Variants in HSD17B13 observed in about 807,000 individuals in gnomAD.
HSD17B13 encodes the protein 17-beta-hydroxysteroid dehydrogenase 13.
HSD17B13 carries 26 observed loss-of-function variants against 31.1 expected under a neutral mutation model. The observed-to-expected ratio is 0.84, with a 90% CI of 0.61 to 1.16. The LOEUF (loss-of-function observed/expected upper bound fraction) is 1.16, where lower values mean the gene tolerates loss of function less well. Among genes scored for constraint, HSD17B13 ranks in the 50% most tolerant of loss-of-function variants. HSD17B13 has a pLI of 0.00. For missense variants in HSD17B13, 374 were observed against 366.5 expected, an observed-to-expected ratio of 1.02 and a Z score of -0.17; for synonymous variants, 141 against 133.7, an observed-to-expected ratio of 1.05 and a Z score of -0.38.
intron 5 of HSD17B13, among the ~76,000 whole-genome samples, chr4:87,312,518 C>CT (rs747820120): frequency 0.013 from 945 of 71,642 alleles, 91 homozygotes; most frequent in African/African-American, 0.035. Context: ...ACCTTTAATT[C>CT]TTTTTTTTTT....
chr4:87,313,716 T>G, intron 5 of HSD17B13, 107 bp downstream of exon 5: 1 of 881,116 alleles, frequency 1.1e-6, no homozygotes, highest in Non-Finnish European at 1.7e-6. Context: ...AAAATTATTT[T>G]TCCTTCTTCA....
At chr4:87,316,212 C>CTAGA (rs1419470122) in intron 3 of HSD17B13, among the ~76,000 whole-genome samples, 1 of 152,142 alleles carries the variant, frequency 6.6e-6, no homozygotes, top group Non-Finnish European at 1.5e-5. Flanking sequence ...ATTCATAGAA[C>CTAGA]TAGAACTCCC....
At chr4:87,316,430 T>A (rs1734650762) in intron 3 of HSD17B13, among the ~76,000 whole-genome samples, 3 of 152,164 alleles carry the variant, frequency 2.0e-5, no homozygotes, top group Admixed American at 6.5e-5. Context: ...ATCTCTTTTT[T>A]TTCTTCTTTC....
At chr4:87,313,731 C>A in intron 5 of HSD17B13, 92 bp downstream of exon 5, 1 of 993,354 alleles carries the variant, frequency 1.0e-6, no homozygotes, top group Non-Finnish European at 1.5e-6. Context: ...TCTTCATTTT[C>A]TTCTATTAGT....
At chr4:87,320,778 A>G (rs35075057) in intron 1 of HSD17B13, among the ~76,000 whole-genome samples, 3,862 of 152,110 alleles carry the variant, frequency 0.025, 89 homozygotes, top group Non-Finnish European at 0.04. Context: ...TTAAACTCCA[A>G]TGTGTTTTTT....
rs929844582 is a variant in HSD17B13, at chr4:87,314,008, A to G, written c.558-48T>C. ...TGTTAGCTAAGGGAGAGTGAAACCA[A>G]TCCTCAGCTTTCTGTGAGAAGGCGG... On this transcript the variant is annotated intron_variant, in intron 4 of 6. Coordinates refer to ENST00000328546, the MANE Select transcript of HSD17B13 (RefSeq NM_178135.5). 7.8e-6 allele frequency: 11 copies of G among 1,403,440 alleles called. No homozygotes were observed. The African/African-American group carries it at 1.5e-4, about 19-fold the overall frequency. The allele number at this position is 1,403,440 out of a possible 1,614,324, so 86.9% of individuals were successfully genotyped here. A position where few individuals can be genotyped will look rare whatever the true frequency, so the allele number is the denominator to read the frequency against.
In HSD17B13 at chr4:87,310,362, G is replaced by A. The variant is rs117111943; in HGVS notation, c.696-3C>T. ...CTGTCTCCAATACAGGCCATAATCT[G>A]TGATTAAAAAGAGGAAAATATTATT... On this transcript the variant is annotated splice_region_variant and splice_polypyrimidine_tract_variant and intron_variant, in intron 5 of 6. Transcript: ENST00000328546. 1.4e-6 allele frequency: 2 copies of A among 1,444,148 alleles called. No homozygotes were observed. The highest frequency in any genetic ancestry group is 1.5e-5 in the African/African-American group (1 of 67,648). 89.5% of individuals were successfully genotyped at this position (1,444,148 alleles called of 1,614,324 possible).
intron 1 of HSD17B13, among the ~76,000 whole-genome samples, chr4:87,320,682 C>T (rs1199452754): frequency 6.6e-6 from 1 of 151,910 alleles, no homozygotes; most frequent in African/African-American, 2.4e-5. Context: ...CCACCGCGTC[C>T]GGCCTATTCT....
In HSD17B13 at chr4:87,305,321, G is replaced by A; in HGVS notation, c.813-13C>T. On this transcript the variant is annotated splice_polypyrimidine_tract_variant and intron_variant, in intron 6 of 6. Coordinates refer to ENST00000328546, the MANE Select transcript of HSD17B13 (RefSeq NM_178135.5). ...TTCAGGAAGAAACCTGTACAAAAAA[G>A]AAAAAAAAATTGAAAAATTTTCCAT... The A allele has an allele frequency of 1.9e-6, 3 of 1,538,908 alleles. No homozygotes were observed. The highest frequency in any genetic ancestry group is 2.0e-5 in the Admixed American group (1 of 48,998).
In HSD17B13 at chr4:87,317,151, T is replaced by C; in HGVS notation, c.391A>G (p.Ser131Gly). The C allele has an allele frequency of 6.2e-7, 1 of 1,613,948 alleles. No homozygotes were observed. Reference sequence around the variant, plus strand: ...TTGGTAATCTCTTCATCCTTGGTGCTGAGAAGATCGGCTGGATATACTGTC... The same window carrying C: ...TTGGTAATCTCTTCATCCTTGGTGCCGAGAAGATCGGCTGGATATACTGTC... ...AGTVYPADLL[S>G]TKDEEITKTF... Residue 131 changes from serine (S) to glycine (G), a missense_variant, in exon 3 of 7, where the codon AGC becomes GGC. By Grantham distance (56) the Ser-to-Gly change is moderately conservative (BLOSUM62 0). Coordinates refer to ENST00000328546, the MANE Select transcript of HSD17B13 (RefSeq NM_178135.5).
Position 87,306,206 on chromosome 4 carries a change from T to C in HSD17B13, c.813-898A>G, listed in dbSNP as rs768775111. On this transcript the variant is annotated intron_variant, in intron 6 of 6. Coordinates refer to ENST00000328546, the MANE Select transcript of HSD17B13 (RefSeq NM_178135.5). Reference sequence around the variant, plus strand: ...GATGCAAATATAAATAAAGCACTGATACATACCACTCTTCTCACTCTCTTA... The same window carrying C: ...GATGCAAATATAAATAAAGCACTGACACATACCACTCTTCTCACTCTCTTA... Among the ~76,000 whole-genome samples, 22 of 152,186 alleles carry C rather than the reference T, an allele frequency of 1.4e-4. 1 individual carries two copies. The highest frequency in any genetic ancestry group is 4.6e-4 in the Admixed American group (7 of 15,274).
rs1734705383 is a variant in HSD17B13 at position 87,318,381 on chromosome 4, G to A, written c.266C>T (p.Ala89Val). 6.2e-6 allele frequency: 10 copies of A among 1,614,114 alleles called. No homozygotes were observed. Among genetic ancestry groups the A allele is most frequent in the Non-Finnish European group, 7.6e-6 (9 of 1,179,966 alleles). ...ECRKLGVTAH[A>V]YVVDCSNREE... ...TCTGTTGCTGCAGTCTACCACATAC[G>A]CATGCGCAGTGACGCCTAGTTTTCG... The change falls in exon 2 of 7, where the codon GCG becomes GTG. Residue 89 changes from alanine to valine, a missense_variant. Transcript: ENST00000328546.
At chr4:87,319,136 C>T (rs1298061431) in intron 1 of HSD17B13, among the ~76,000 whole-genome samples, 1 of 152,148 alleles carries the variant, frequency 6.6e-6, no homozygotes, top group African/African-American at 2.4e-5. Context: ...GAGCTGAAAT[C>T]ATTCCATTGC....
At position 87,303,919 on chromosome 4, in the gene HSD17B13, A is replaced by G. The variant is rs1275321274; in HGVS notation, c.*1299T>C. On this transcript the variant is annotated 3_prime_UTR_variant, in exon 7 of 7. Transcript: ENST00000328546. Reference sequence around the variant, plus strand: ...AAATCATTTGTTTTTAATAAAAACAAGAGGATAGTCCATGCAAAAGCATTC... The same window carrying G: ...AAATCATTTGTTTTTAATAAAAACAGGAGGATAGTCCATGCAAAAGCATTC... 2.0e-5 allele frequency: 3 copies of G among 152,176 alleles called. No individual in the cohort carries two copies. The highest frequency in any genetic ancestry group is 4.4e-5 in the Non-Finnish European group (3 of 68,044). 9.4% of individuals were successfully genotyped at this position (152,176 alleles called of 1,614,324 possible). A position where few individuals can be genotyped will look rare whatever the true frequency, so the allele number is the denominator to read the frequency against.
intron 5 of HSD17B13, among the ~76,000 whole-genome samples, chr4:87,312,637 C>A (rs1279956370): frequency 1.3e-5 from 2 of 148,576 alleles, no homozygotes; most frequent in Non-Finnish European, 3.0e-5. Flanking sequence ...TCACGCCATT[C>A]TCCTGCCTCA....
Position 87,311,792 on chromosome 4 carries a change from T to G in HSD17B13, c.696-1433A>C, listed in dbSNP as rs143194159. ...ATCTGTGGTTTGCTGCAGATTATTATGTGATTGAGTTCTCCACTGCCTTGA... is the reference window on the plus strand; with the variant it reads ...ATCTGTGGTTTGCTGCAGATTATTAGGTGATTGAGTTCTCCACTGCCTTGA... On this transcript the variant is annotated intron_variant, in intron 5 of 6. Transcript: ENST00000328546. 3.9e-3 allele frequency among the ~76,000 whole-genome samples: 593 copies of G among 152,324 alleles called. 2 individuals are homozygous for G. The highest frequency in any genetic ancestry group is 0.013 in the African/African-American group (557 of 41,558).
chr4:87,315,597 G>T lies in HSD17B13; in HGVS notation c.453C>A (p.Ile151=). ...FEVNILGHFW[I]TKALLPSMME... The stretch of plus-strand genomic sequence containing the variant: ...TCATCGATGGAAGAAGTGCTTTTGT[G>T]ATCTTAAGGATCATTGCAGAAAGAA... The change falls in exon 4 of 7, where the codon ATC becomes ATA. Residue 151 remains isoleucine, a splice_region_variant and synonymous_variant. Transcript: ENST00000328546. 2 of 1,571,232 alleles carry T rather than the reference G, an allele frequency of 1.3e-6. No homozygotes were observed. Among genetic ancestry groups the T allele is most frequent in the Non-Finnish European group, 8.7e-7 (1 of 1,145,372 alleles).
At chr4:87,320,570 G>T (rs1282998840) in intron 1 of HSD17B13, among the ~76,000 whole-genome samples, 2 of 151,786 alleles carry the variant, frequency 1.3e-5, no homozygotes, top group Non-Finnish European at 2.9e-5. Context: ...TGTATTTTTA[G>T]TAGAGACGGG....
chr4:87,308,170 G>A (rs2110097298), intron 6 of HSD17B13, among the ~76,000 whole-genome samples: 1 of 152,160 alleles, frequency 6.6e-6, no homozygotes, highest in South Asian at 2.1e-4. Flanking sequence ...GGCTTTGTTT[G>A]TATTACATTA....
Sources: allele counts gnomAD v4.1 joint callset (sites outside exome capture counted in the v4.1 genomes callset), GRCh38; gene constraint gnomAD v4.1.1; transcripts MANE v1.5; gene names NCBI Gene and HGNC (gene_info 2026-07-23, HGNC 2026-07-21).